GATA4: variants seen among roughly 807,000 people sequenced by gnomAD.
GATA4 encodes the protein transcription factor GATA-4.
In GATA4, 7 loss-of-function variants were observed where a neutral mutation model predicts 37.9. The observed-to-expected ratio is 0.18, with a 90% CI of 0.11 to 0.35. The LOEUF (loss-of-function observed/expected upper bound fraction) is 0.35. Among genes scored for constraint, GATA4 ranks in the 10% least tolerant of loss-of-function variants. GATA4 has a pLI of 1.00. For missense variants in GATA4, 647 were observed against 653.0 expected (o/e 0.99, Z 0.10); for synonymous variants, 372 against 292.6 (o/e 1.27, Z -2.77).
At chr8:11,683,240 CG>C (rs1367321148) in intron 1 of GATA4, 3 of 639,948 alleles carry the variant, frequency 4.7e-6, no homozygotes, top group Middle Eastern at 7.5e-4. Context: ...GACGGAGGGA[CG>C]GGGCTGGCGT....
chr8:11,756,826 A>C, intron 5 of GATA4, 109 bp from the exon 6 acceptor site: 2 of 1,450,486 alleles, frequency 1.4e-6, no homozygotes, highest in Non-Finnish European at 1.9e-6. Flanking sequence ...GTCCCCGGCA[A>C]ATGTAGATAA....
chr8:11,688,747 G>A (rs1034132108), upstream of GATA4, among the ~76,000 whole-genome samples: 1 of 152,230 alleles, frequency 6.6e-6, no homozygotes, highest in Non-Finnish European at 1.5e-5. Flanking sequence ...TCTTTCTCAT[G>A]AGAATAGTGT....
chr8:11,684,897 C>G (rs1398588115), intron 1 of GATA4, among the ~76,000 whole-genome samples: 1 of 152,172 alleles, frequency 6.6e-6, no homozygotes, highest in Non-Finnish European at 1.5e-5. Context: ...TTGACTGCTG[C>G]TGGTGGTTGT....
At position 11,683,036 on chromosome 8, in the gene GATA4, G is replaced by A. The variant is rs904602372; in HGVS notation, c.-274+5973G>A. 5 of 984,598 alleles carry A rather than the reference G, an allele frequency of 5.1e-6. No individual in the cohort carries two copies. In the Admixed American group the frequency reaches 1.8e-4, roughly 36 times the overall value. 61.0% of individuals were successfully genotyped at this position (984,598 alleles called of 1,614,324 possible). ...GGTGGAAACAGCCTCGGTGCGCGGGGGTTTCTCGACAGCTCTCTGGTGTCT... is the reference window on the plus strand; with the variant it reads ...GGTGGAAACAGCCTCGGTGCGCGGGAGTTTCTCGACAGCTCTCTGGTGTCT... On this transcript the variant is annotated intron_variant, in intron 1 of 6. Transcript: ENST00000528712.
rs575824795 is a variant in GATA4 at position 11,749,782 on chromosome 8, T to C, written c.787-329T>C. 1.3e-5 allele frequency among the ~76,000 whole-genome samples: 2 copies of C among 152,238 alleles called. No homozygotes were observed. Among genetic ancestry groups the C allele is most frequent in the South Asian group, 2.1e-4 (1 of 4,812 alleles). On this transcript the variant is annotated intron_variant, in intron 3 of 6. Transcript: ENST00000532059. This position sits in a 1 kb window ranked among gnomAD's most constrained non-coding sequence, Gnocchi z 4.6. ...CCCGGCACCTGCAGCCCCGGTCAGTTCTCCTCTCAGGAGAAGCTTTCCTGC... is the reference window on the plus strand; with the variant it reads ...CCCGGCACCTGCAGCCCCGGTCAGTCCTCCTCTCAGGAGAAGCTTTCCTGC...
At position 11,679,778 on chromosome 8, in the gene GATA4, G is replaced by C. The variant is rs1400892494; in HGVS notation, c.-274+2715G>C. On this transcript the variant is annotated intron_variant, in intron 1 of 6. Transcript: ENST00000528712. ...ACAGGGGCGAGGTTGGGATCGGGAG[G>C]GAGATGGAGACCCCCGAATAATGGA... is the stretch of plus-strand genomic sequence containing the variant. 2.0e-5 allele frequency among the ~76,000 whole-genome samples: 3 copies of C among 152,216 alleles called. No homozygotes were observed. In the East Asian group the frequency reaches 5.8e-4, roughly 29 times the overall value.
intron 2 of GATA4, among the ~76,000 whole-genome samples, chr8:11,726,551 G>C (rs1014502861): frequency 2.0e-5 from 3 of 152,110 alleles, no homozygotes; most frequent in African/African-American, 7.2e-5. Flanking sequence ...TGAGGGCTAA[G>C]GGCTGGTGCA....
At position 11,681,103 on chromosome 8, in the gene GATA4, C is replaced by T. The variant is rs1026440850; in HGVS notation, c.-274+4040C>T. On this transcript the variant is annotated intron_variant, in intron 1 of 6. Coordinates refer to the GATA4 transcript ENST00000528712. ...TGAGGGGCATGGGTGGCGCCCCAGG[C>T]TCGCAGGGTTCGTGGTCCGGAAAAC... The T allele has an allele frequency of 1.7e-5, 17 of 980,042 alleles. No homozygotes were observed. In the African/African-American group the frequency reaches 2.8e-4, roughly 16 times the overall value. The allele number at this position is 980,042 out of a possible 1,614,324, so 60.7% of individuals were successfully genotyped here.
Position 11,707,580 on chromosome 8 carries a change from T to A in GATA4, c.-457-276T>A, listed in dbSNP as rs1799946694. Among the ~76,000 whole-genome samples the A allele has an allele frequency of 6.6e-6, 1 of 152,188 alleles. No individual in the cohort carries two copies. The highest frequency in any genetic ancestry group is 1.5e-5 in the Non-Finnish European group (1 of 68,046). Reference sequence around the variant, plus strand: ...TTCCTGACAAGCAATACAAAAATCATTGACCAAGATCACAACCAATAACTG... The same window carrying A: ...TTCCTGACAAGCAATACAAAAATCAATGACCAAGATCACAACCAATAACTG... On this transcript the variant is annotated intron_variant, in intron 1 of 6. Transcript: ENST00000532059. This position sits in a 1 kb window ranked among gnomAD's most constrained non-coding sequence, Gnocchi z 4.7.
chr8:11,683,026 G>A (rs1799022347), intron 1 of GATA4: 2 of 981,356 alleles, frequency 2.0e-6, no homozygotes, highest in Non-Finnish European at 2.4e-6. Flanking sequence ...AAACAGCCTC[G>A]GTGCGCGGGG....
intron 4 of GATA4, among the ~76,000 whole-genome samples, chr8:11,753,237 G>T (rs804284): frequency 6.6e-6 from 1 of 151,996 alleles, no homozygotes; most frequent in Non-Finnish European, 1.5e-5. Flanking sequence ...AAAAGGAAGG[G>T]AATTCTGGCC....
At chr8:11,706,085 C>T (rs1034730173) in intron 1 of GATA4, 2 of 152,154 alleles carry the variant, frequency 1.3e-5, no homozygotes, top group African/African-American at 2.4e-5. Context: ...TTGGTGACCT[C>T]AGGTCAATTT....
intron 2 of GATA4, among the ~76,000 whole-genome samples, chr8:11,732,791 C>G (rs773968984): frequency 2.0e-5 from 3 of 152,178 alleles, no homozygotes; most frequent in Non-Finnish European, 4.4e-5. Flanking sequence ...AAGAACCCCC[C>G]AAATCAAGTA....
intron 2 of GATA4, among the ~76,000 whole-genome samples, chr8:11,747,058 AG>A (rs1161324538): frequency 6.6e-6 from 1 of 152,180 alleles, no homozygotes; most frequent in East Asian, 1.9e-4. Flanking sequence ...CCCACTCCCG[AG>A]CTGGGTCCTG....
intron 2 of GATA4, among the ~76,000 whole-genome samples, chr8:11,711,109 A>G (rs139484027): frequency 6.6e-6 from 1 of 152,326 alleles, no homozygotes; most frequent in East Asian, 1.9e-4. Context: ...TCTCAAAACA[A>G]ACAAACAAAA....
chr8:11,731,282 G>A (rs554520451), intron 2 of GATA4, among the ~76,000 whole-genome samples: 39 of 152,286 alleles, frequency 2.6e-4, no homozygotes, highest in African/African-American at 8.4e-4. Flanking sequence ...AAAAATGAGC[G>A]CATTATTGAT....
intron 5 of GATA4, among the ~76,000 whole-genome samples, chr8:11,755,724 C>A (rs1802526243): frequency 6.6e-6 from 1 of 152,118 alleles, no homozygotes. Context: ...GGTCATACAG[C>A]TGTTAATGGG....
intron 1 of GATA4, among the ~76,000 whole-genome samples, chr8:11,694,855 GTC>G (rs944185250): frequency 2.0e-5 from 3 of 151,906 alleles, no homozygotes; most frequent in African/African-American, 4.8e-5. Context: ...CTCTCTCTCT[GTC>G]TCTCTCTCAC....
In GATA4 at chr8:11,722,619, C is replaced by G. The variant is rs1398168669; in HGVS notation, c.616+13691C>G. ...CATTCTGTTTGCTAAAGAAATGAGG[C>G]TTTTCCCAGAGGACTTCTGCAGACT... is the stretch of plus-strand genomic sequence containing the variant. On this transcript the variant is annotated intron_variant, in intron 2 of 6. Coordinates refer to ENST00000532059, the MANE Select transcript of GATA4 (RefSeq NM_001308093.3). Among the ~76,000 whole-genome samples the G allele has an allele frequency of 2.0e-5, 3 of 152,178 alleles. No individual in the cohort carries two copies. The East Asian group carries it at 5.8e-4, about 29-fold the overall frequency.
Sources: allele counts gnomAD v4.1 joint callset (sites outside exome capture counted in the v4.1 genomes callset), GRCh38; gene constraint gnomAD v4.1.1; non-coding constraint Gnocchi (gnomAD v3.1); transcripts MANE v1.5; gene names NCBI Gene and HGNC (gene_info 2026-07-23, HGNC 2026-07-21).